Variants in RORA observed in about 807,000 individuals in gnomAD.
RORA encodes nuclear receptor ROR-alpha.
Under a neutral mutation model 69.5 loss-of-function variants are expected in RORA, and 7 were observed. That is an observed-to-expected ratio of 0.10 (90% confidence interval 0.06 to 0.19). RORA has a LOEUF of 0.19. Among genes scored for constraint, RORA ranks in the 10% least tolerant of loss-of-function variants. RORA has a pLI of 1.00. For missense variants in RORA, 457 were observed against 663.0 expected (o/e 0.69, Z 3.41); for synonymous variants, 261 against 240.8 (o/e 1.08, Z -0.78).
chr15:60,924,472 ATATATT>A (rs1158758995), intron 1 of RORA, among the ~76,000 whole-genome samples: 25 of 151,680 alleles, frequency 1.6e-4, no homozygotes, highest in African/African-American at 6.0e-4. Flanking sequence ...AGATCTTTTC[ATATATT>A]TATAAGTGAA....
chr15:61,102,475 C>T (rs1386236461), intron 1 of RORA, among the ~76,000 whole-genome samples: 2 of 152,198 alleles, frequency 1.3e-5, no homozygotes, highest in East Asian at 1.9e-4. Flanking sequence ...CCAAGCCTTT[C>T]GTTTTTGCTC....
intron 1 of RORA, among the ~76,000 whole-genome samples, chr15:60,802,957 T>A (rs1047499398): frequency 3.3e-5 from 5 of 149,538 alleles, no homozygotes; most frequent in African/African-American, 4.9e-5. Flanking sequence ...GTTTCTTTTT[T>A]AAAAAAAAAA....
chr15:61,101,293 T>C (rs1424356659), intron 1 of RORA, among the ~76,000 whole-genome samples: 3 of 152,056 alleles, frequency 2.0e-5, no homozygotes, highest in Non-Finnish European at 4.4e-5. Flanking sequence ...TAAATGAATA[T>C]CCAGTTGGAA....
Position 60,491,912 on chromosome 15 carries a change from G to A in RORA, c.*5543C>T, listed in dbSNP as rs901493782. On this transcript the variant is annotated 3_prime_UTR_variant, in exon 11 of 11. Coordinates refer to ENST00000335670, the MANE Select transcript of RORA (RefSeq NM_134261.3). Reference sequence around the variant, plus strand: ...TCTTACCAATAGATCAAGATTTACTGTTGCAATTGCGTTTCTGGGCACATT... The same window carrying A: ...TCTTACCAATAGATCAAGATTTACTATTGCAATTGCGTTTCTGGGCACATT... 3 of 152,102 alleles carry A rather than the reference G, an allele frequency of 2.0e-5. No homozygotes were observed. Among genetic ancestry groups the A allele is most frequent in the Non-Finnish European group, 4.4e-5 (3 of 68,012 alleles). The allele number at this position is 152,102 out of a possible 1,614,324, so 9.4% of individuals were successfully genotyped here. A position where few individuals can be genotyped will look rare whatever the true frequency, so the allele number is the denominator to read the frequency against.
intron 1 of RORA, among the ~76,000 whole-genome samples, chr15:60,691,313 T>G (rs1473955572): frequency 6.6e-6 from 1 of 152,174 alleles, no homozygotes; most frequent in Non-Finnish European, 1.5e-5. Flanking sequence ...CTCCTGACAT[T>G]CTATGATACA....
rs190055373 is a variant in RORA, at chr15:60,764,417, G to A, written c.167-85731C>T. Among the ~76,000 whole-genome samples the A allele has an allele frequency of 3.1e-3, 472 of 152,104 alleles. 1 individual carries two copies. The highest frequency in any genetic ancestry group is 5.3e-3 in the Non-Finnish European group (358 of 67,998). On this transcript the variant is annotated intron_variant, in intron 1 of 10. Transcript: ENST00000335670. ...TGGTCTTTTAGGGTTCTCTCAGCTCGAAAATTTTAATATTCTGTAAATGGG... is the reference window on the plus strand; with the variant it reads ...TGGTCTTTTAGGGTTCTCTCAGCTCAAAAATTTTAATATTCTGTAAATGGG...
At chr15:61,111,392 C>T (rs2079004969) in intron 1 of RORA, among the ~76,000 whole-genome samples, 3 of 152,128 alleles carry the variant, frequency 2.0e-5, no homozygotes, top group Admixed American at 6.5e-5. Flanking sequence ...AGGAAGAAAA[C>T]CTGGGTAGGG....
At position 61,061,994 on chromosome 15, in the gene RORA, C is replaced by T. The variant is rs1022534063; in HGVS notation, c.166+167059G>A. Among the ~76,000 whole-genome samples, 3 of 152,116 alleles carry T rather than the reference C, an allele frequency of 2.0e-5. No homozygotes were observed. The highest frequency in any genetic ancestry group is 2.9e-5 in the Non-Finnish European group (2 of 68,036). On this transcript the variant is annotated intron_variant, in intron 1 of 10. Coordinates refer to ENST00000335670, the MANE Select transcript of RORA (RefSeq NM_134261.3). The surrounding 1 kb of genome is among the most constrained non-coding windows in gnomAD (Gnocchi z 4.4). Reference sequence around the variant, plus strand: ...AGGAGAATCCCTTGAACCTAGGAGACGGAGGTTGCAGTGAGCTGGGATTGT... The same window carrying T: ...AGGAGAATCCCTTGAACCTAGGAGATGGAGGTTGCAGTGAGCTGGGATTGT...
intron 1 of RORA, among the ~76,000 whole-genome samples, chr15:60,750,233 C>T (rs748187519): frequency 1.3e-5 from 2 of 152,196 alleles, no homozygotes; most frequent in Non-Finnish European, 2.9e-5. Flanking sequence ...AAGTCTGACT[C>T]CAAAGCCTAG....
At position 60,548,905 on chromosome 15, in the gene RORA, A is replaced by G. The variant is rs190951657; in HGVS notation, c.197-17054T>C. On this transcript the variant is annotated intron_variant, in intron 2 of 10. Transcript: ENST00000335670. ...CTCCCAAAGTGCTGGGATTACAGGC[A>G]TGAGCCACCGCGCCTGGCCAATAGC... 6.6e-5 allele frequency among the ~76,000 whole-genome samples: 10 copies of G among 152,276 alleles called. No homozygotes were observed. The East Asian group carries it at 9.7e-4, about 15-fold the overall frequency.
At chr15:60,826,740 GCT>G (rs72326847) in intron 1 of RORA, among the ~76,000 whole-genome samples, 44 of 120,854 alleles carry the variant, frequency 3.6e-4, no homozygotes, top group Admixed American at 6.0e-4. Context: ...TATTCTACCT[GCT>G]CTCTCTCTCT....
intron 1 of RORA, among the ~76,000 whole-genome samples, chr15:61,010,751 G>C (rs1469299647): frequency 6.6e-6 from 1 of 152,182 alleles, no homozygotes; most frequent in Non-Finnish European, 1.5e-5. Context: ...GCAAGGGGGT[G>C]CTGTGTTATG....
chr15:60,719,705 T>C (rs2071268354), intron 1 of RORA, among the ~76,000 whole-genome samples: 1 of 152,140 alleles, frequency 6.6e-6, no homozygotes, highest in South Asian at 2.1e-4. Context: ...CTGGTACATA[T>C]CAGACCCTTA....
rs542891792 is a variant in RORA, at chr15:60,778,695, C to A, written c.167-100009G>T. Among the ~76,000 whole-genome samples the A allele has an allele frequency of 7.0e-4, 106 of 152,254 alleles. 1 individual carries two copies. In the South Asian group the frequency reaches 0.02, roughly 28 times the overall value. On this transcript the variant is annotated intron_variant, in intron 1 of 10. Transcript: ENST00000335670. ...GAAAAACAGAATTCTCCCACCCTTA[C>A]CCCTTCCCAGTTCAAAGAACTGCTT...
intron 2 of RORA, among the ~76,000 whole-genome samples, chr15:60,541,406 T>TTC (rs1487979821): frequency 6.6e-6 from 1 of 152,228 alleles, no homozygotes; most frequent in Admixed American, 6.5e-5. Context: ...GAGGACTTGT[T>TTC]TCTGACTTTC....
intron 1 of RORA, among the ~76,000 whole-genome samples, chr15:60,964,127 T>A (rs1893486631): frequency 6.6e-6 from 1 of 152,224 alleles, no homozygotes. Flanking sequence ...CATGGTCACA[T>A]AGCTGGTAAG....
intron 1 of RORA, among the ~76,000 whole-genome samples, chr15:61,120,317 T>G (rs541311166): frequency 6.6e-6 from 1 of 151,562 alleles, no homozygotes; most frequent in Non-Finnish European, 1.5e-5. Context: ...AATCAGAATC[T>G]GATATGCAAG....
At chr15:60,817,946 T>C (rs1259947860) in intron 1 of RORA, among the ~76,000 whole-genome samples, 3 of 152,234 alleles carry the variant, frequency 2.0e-5, no homozygotes, top group African/African-American at 7.2e-5. Flanking sequence ...TATACTATTT[T>C]CTTTTACTCA....
chr15:61,085,504 G>A (rs759925406), intron 1 of RORA, among the ~76,000 whole-genome samples: 9 of 152,190 alleles, frequency 5.9e-5, no homozygotes, highest in East Asian at 1.9e-4. Flanking sequence ...TCGTGGGCCC[G>A]CCTGAAAAGG....
Sources: allele counts gnomAD v4.1 joint callset (sites outside exome capture counted in the v4.1 genomes callset), GRCh38; gene constraint gnomAD v4.1.1; non-coding constraint Gnocchi (gnomAD v3.1); transcripts MANE v1.5; gene names NCBI Gene and HGNC (gene_info 2026-07-23, HGNC 2026-07-21).